Variants in BLTP1 observed in about 807,000 individuals in gnomAD.
BLTP1 encodes the protein fragile site-associated protein.
the BLTP1 span, among the ~76,000 whole-genome samples, chr4:122,316,191 CA>C: frequency 2.2e-3 from 342 of 152,230 alleles, no homozygotes; most frequent in Admixed American, 6.0e-3. Context: ...TCTGTAGTTT[CA>C]AGTTATTTTG....
the BLTP1 span, chr4:122,313,969 C>T: frequency 1.2e-6 from 1 of 860,012 alleles, no homozygotes. Context: ...TAAATTTTTA[C>T]AATGTAGTTA....
At chr4:122,197,935 G>A in the BLTP1 span, 1 of 980,098 alleles carries the variant, frequency 1.0e-6, no homozygotes, top group East Asian at 1.1e-4. Context: ...CAGTTAAGAT[G>A]AAATTCTGCT....
chr4:122,272,549 G>A, the BLTP1 span: 1 of 630,170 alleles, frequency 1.6e-6, no homozygotes, highest in Non-Finnish European at 2.7e-6. Context: ...AAATTCTGAG[G>A]TACCAAGAAC....
chr4:122,316,003 T>C, the BLTP1 span, among the ~76,000 whole-genome samples: 1 of 152,286 alleles, frequency 6.6e-6, no homozygotes, highest in African/African-American at 2.4e-5. Context: ...GATGAAAATA[T>C]TCCCAACTAA....
chr4:122,307,501 TAACA>T, the BLTP1 span: 3 of 985,354 alleles, frequency 3.0e-6, no homozygotes, highest in Non-Finnish European at 3.6e-6. Context: ...TGTTTCTGTT[TAACA>T]AACTCAAACA....
chr4:122,320,550 G>A, the BLTP1 span, among the ~76,000 whole-genome samples: 2 of 152,094 alleles, frequency 1.3e-5, no homozygotes, highest in Admixed American at 1.3e-4. Context: ...CTTTATACCT[G>A]ATAATTTTCT....
chr4:122,215,664 C>G, the BLTP1 span: 9 of 592,966 alleles, frequency 1.5e-5, no homozygotes, highest in Non-Finnish European at 1.7e-5. Context: ...AGAACTACTG[C>G]TTTGAACATC....
the BLTP1 span, among the ~76,000 whole-genome samples, chr4:122,320,575 G>C: frequency 6.6e-6 from 1 of 152,028 alleles, no homozygotes; most frequent in Non-Finnish European, 1.5e-5. Flanking sequence ...TTTGAAATCT[G>C]CTCTGTCTGA....
the BLTP1 span, among the ~76,000 whole-genome samples, chr4:122,338,983 G>A: frequency 1.1e-4 from 17 of 152,248 alleles, no homozygotes; most frequent in East Asian, 3.1e-3. Context: ...ATCAATATAT[G>A]TAGACAGAAA....
the BLTP1 span, chr4:122,288,726 A>G: frequency 3.6e-6 from 2 of 553,646 alleles, no homozygotes; most frequent in Non-Finnish European, 4.6e-6. Context: ...CTATGATTCT[A>G]AGACCACAAA....
the BLTP1 span, among the ~76,000 whole-genome samples, chr4:122,299,357 T>A: frequency 6.6e-6 from 1 of 151,988 alleles, no homozygotes; most frequent in Non-Finnish European, 1.5e-5. Flanking sequence ...AAAAAATAAA[T>A]AAGAACAGAA....
At chr4:122,198,447 T>C in the BLTP1 span, 1 of 985,248 alleles carries the variant, frequency 1.0e-6, no homozygotes, top group Non-Finnish European at 1.2e-6. Flanking sequence ...CAATTGATAA[T>C]GTTTCAGTTA....
the BLTP1 span, chr4:122,346,939 T>C: frequency 7.0e-6 from 6 of 857,352 alleles, no homozygotes; most frequent in Non-Finnish European, 8.4e-6. Flanking sequence ...TGAGGATATA[T>C]CAGAGAACCA....
At chr4:122,256,067 A>G in the BLTP1 span, 2 of 983,720 alleles carry the variant, frequency 2.0e-6, no homozygotes, top group Non-Finnish European at 2.4e-6. Flanking sequence ...CTGGAAAAGC[A>G]GATAACATCA....
At chr4:122,182,328 A>G in the BLTP1 span, among the ~76,000 whole-genome samples, 1 of 152,278 alleles carries the variant, frequency 6.6e-6, no homozygotes. Context: ...CTTTCAAAGA[A>G]GCTGAGTTTA....
At chr4:122,338,982 T>C in the BLTP1 span, among the ~76,000 whole-genome samples, 1 of 152,160 alleles carries the variant, frequency 6.6e-6, no homozygotes, top group Non-Finnish European at 1.5e-5. Flanking sequence ...GATCAATATA[T>C]GTAGACAGAA....
At chr4:122,192,206 A>C in the BLTP1 span, 1 of 1,609,174 alleles carries the variant, frequency 6.2e-7, no homozygotes, top group Non-Finnish European at 8.5e-7. Context: ...AACTGCCTTT[A>C]TATTGTATGT....
the BLTP1 span, chr4:122,194,563 A>G: frequency 2.1e-6 from 2 of 947,756 alleles, no homozygotes; most frequent in African/African-American, 1.8e-5. Context: ...AACTATATTG[A>G]GAAATCTCAA....
the BLTP1 span, among the ~76,000 whole-genome samples, chr4:122,300,545 T>C: frequency 4.6e-5 from 7 of 152,172 alleles, no homozygotes; most frequent in African/African-American, 4.8e-5. Flanking sequence ...TTTTCTGTTC[T>C]AGTAGAAAAC....
Sources: gnomAD v4.1 joint callset for allele counts (sites outside exome capture counted in the v4.1 genomes callset) on GRCh38, gnomAD v4.1.1 for gene constraint, MANE v1.5 for transcripts, NCBI Gene and HGNC (gene_info 2026-07-23, HGNC 2026-07-21) for gene names.